The following PLCH2 variants were observed in gnomAD, a reference collection of about 807,000 sequenced individuals.
PLCH2 encodes phospholipase C eta 2.
PLCH2 carries 98 observed loss-of-function variants against 134.7 expected under a neutral mutation model. That is an observed-to-expected ratio of 0.73 (90% CI 0.62 to 0.86). PLCH2 has a LOEUF of 0.86. Among genes scored for constraint, PLCH2 ranks in the 40% least tolerant of loss-of-function variants. The probability of loss-of-function intolerance (pLI) is 0.00; values close to 1 mark genes in which losing one functional copy is unlikely to be tolerated. For missense variants in PLCH2, 1,994 were observed against 1,986.6 expected (o/e 1.00, Z -0.07); for synonymous variants, 974 against 827.5 (o/e 1.18, Z -3.04).
rs1641620332 is a variant in PLCH2 at position 2,476,428 on chromosome 1, T to C, written c.-161T>C. On this transcript the variant is annotated 5_prime_UTR_variant, in exon 1 of 22. Transcript: ENST00000378486. ...TGCCAGCCGGGCCTGGGCACAGCCC[T>C]GTGGGGGCTTCGGAGGGCCCTGAGG... is the stretch of plus-strand genomic sequence containing the variant. 3 of 679,294 alleles carry C rather than the reference T, an allele frequency of 4.4e-6. No individual in the cohort carries two copies. The highest frequency in any genetic ancestry group is 3.4e-5 in the Admixed American group (1 of 29,642). 42.1% of individuals were successfully genotyped at this position (679,294 alleles called of 1,614,324 possible).
chr1:2,446,470 C>T (rs1015101809), intron 2 of PLCH2, among the ~76,000 whole-genome samples: 1 of 152,192 alleles, frequency 6.6e-6, no homozygotes, highest in Non-Finnish European at 1.5e-5. Context: ...GCCTCAGGCC[C>T]CTCCCTCCCC....
Position 2,459,554 on chromosome 1 carries a change from T to C in PLCH2, c.116-18922T>C, listed in dbSNP as rs918609709. 9.5e-4 allele frequency among the ~76,000 whole-genome samples: 127 copies of C among 133,876 alleles called. 7 individuals are homozygous for C. Among genetic ancestry groups the C allele is most frequent in the South Asian group, 1.9e-3 (7 of 3,704 alleles). The allele number at this position is 133,876 out of a possible 152,430, so 87.8% of individuals were successfully genotyped here. A position where few individuals can be genotyped will look rare whatever the true frequency, so the allele number is the denominator to read the frequency against. On this transcript the variant is annotated intron_variant, in intron 2 of 3. Coordinates refer to the PLCH2 transcript ENST00000609981. ...CCTCCTTCCTGGTGGTCCTCCTTCC[T>C]GGTGGTCCTCCTTGCCGGTGGTCCT...
chr1:2,457,830 C>A (rs1640569560), intron 2 of PLCH2, among the ~76,000 whole-genome samples: 1 of 149,156 alleles, frequency 6.7e-6, no homozygotes, highest in South Asian at 2.1e-4. Context: ...CTTGGATGAT[C>A]TTTCCTCTTG....
intron 2 of PLCH2, among the ~76,000 whole-genome samples, chr1:2,433,011 C>A (rs1409310795): frequency 6.6e-6 from 1 of 152,224 alleles, no homozygotes; most frequent in African/African-American, 2.4e-5. Flanking sequence ...AAGTGCCCAC[C>A]CTTTGCCCCC....
chr1:2,416,451 A>G, the PLCH2 span, among the ~76,000 whole-genome samples: 2 of 152,230 alleles, frequency 1.3e-5, no homozygotes, highest in African/African-American at 2.4e-5. Context: ...GCCACAAACC[A>G]GGAGAACGGG....
chr1:2,486,980 A>G lies in PLCH2; in HGVS notation c.890A>G (p.Lys297Arg), dbSNP rs1337728760. ...GAGCCATGCCCAGAAAACAAGAGTA[A>G]GGGGCTGCTGGGCATTGATGGTGAG... The part of the protein sequence containing the change: ...QFEPCPENKS[K>R]GLLGIDGFTN... The change falls in exon 6 of 22, where the codon AAG becomes AGG. Residue 297 changes from lysine (K) to arginine (R), a missense_variant. By Grantham distance (26) the Lys-to-Arg change is conservative (BLOSUM62 2). Around this residue, in one of 2 missense-constraint regions of PLCH2, gnomAD observed 1,094 missense variants for 1,234.3 expected, o/e 0.89. Transcript: ENST00000378486. The G allele has an allele frequency of 1.9e-6, 3 of 1,603,324 alleles. No homozygotes were observed. The highest frequency in any genetic ancestry group is 1.7e-5 in the Admixed American group (1 of 58,640).
rs1487040639 is a variant in PLCH2 at position 2,478,614 on chromosome 1, A to T, written c.263A>T (p.Lys88Met). ...IRWRPSRKNE[K>M]AKISIDSIQE... is the part of the protein sequence containing the mutation. ...TGGAGGCCCTCACGCAAGAACGAGA[A>T]GGCCAAGAGTGAGTGGGAGCCCTGG... Residue 88 changes from lysine (K) to methionine (M), a missense_variant, in exon 2 of 22, where the codon AAG becomes ATG. Coordinates refer to ENST00000378486, the MANE Select transcript of PLCH2 (RefSeq NM_014638.4). The T allele has an allele frequency of 6.2e-7, 1 of 1,609,682 alleles. No homozygotes were observed. Among genetic ancestry groups the T allele is most frequent in the Non-Finnish European group, 8.5e-7 (1 of 1,178,550 alleles).
chr1:2,425,316 CAT>C (rs1456482673), upstream of PLCH2, among the ~76,000 whole-genome samples: 2 of 152,032 alleles, frequency 1.3e-5, no homozygotes, highest in Non-Finnish European at 2.9e-5. Context: ...TACATACACA[CAT>C]ATACACACAC....
chr1:2,435,983 C>A (rs1352287542), intron 2 of PLCH2, among the ~76,000 whole-genome samples: 1 of 131,270 alleles, frequency 7.6e-6, no homozygotes, highest in African/African-American at 2.8e-5. Flanking sequence ...TCCCTCCTCC[C>A]TTCTCCCCTC....
At chr1:2,443,478 G>A (rs1408556088) in intron 2 of PLCH2, among the ~76,000 whole-genome samples, 1 of 152,034 alleles carries the variant, frequency 6.6e-6, no homozygotes, top group East Asian at 1.9e-4. Flanking sequence ...GGTCCCGCCG[G>A]CTGGGGCCAC....
chr1:2,462,667 C>T (rs1404009087), upstream of PLCH2, among the ~76,000 whole-genome samples: 3 of 152,274 alleles, frequency 2.0e-5, no homozygotes, highest in East Asian at 1.9e-4. Flanking sequence ...GCCCCAGAAC[C>T]GAGCTCTGGG....
chr1:2,436,626 G>A (rs1350771044), intron 2 of PLCH2, among the ~76,000 whole-genome samples: 1 of 151,346 alleles, frequency 6.6e-6, no homozygotes, highest in Non-Finnish European at 1.5e-5. Context: ...GACTCCCCAG[G>A]GCTTAGCCGT....
At chr1:2,424,733 A>C (rs1055909540), upstream of PLCH2, among the ~76,000 whole-genome samples, 10 of 152,226 alleles carry the variant, frequency 6.6e-5, no homozygotes, top group Non-Finnish European at 1.0e-4. Context: ...CATGCCTGTA[A>C]TCCCAGCACT....
rs764808576 is a variant in PLCH2, at chr1:2,496,933, G to A, written c.2039G>A (p.Arg680His). The A allele has an allele frequency of 2.0e-5, 32 of 1,613,196 alleles. No individual in the cohort carries two copies. Among genetic ancestry groups the A allele is most frequent in the Middle Eastern group, 1.6e-4 (1 of 6,084 alleles). ...YLRFNQQQLS[R>H]IYPSSYRVDS... is the part of the protein sequence containing the mutation. Reference sequence around the variant, plus strand: ...CGCTTCAACCAGCAGCAGCTCTCCCGCATCTACCCCTCCTCCTACCGTGTG... The same window carrying A: ...CGCTTCAACCAGCAGCAGCTCTCCCACATCTACCCCTCCTCCTACCGTGTG... Residue 680 changes from arginine to histidine, a missense_variant, in exon 15 of 22, where the codon CGC (arginine) becomes CAC (histidine). Arg to His is a conservative substitution (Grantham distance 29). Around this residue, in one of 2 missense-constraint regions of PLCH2, gnomAD observed 1,094 missense variants for 1,234.3 expected, o/e 0.89. Coordinates refer to ENST00000378486, the MANE Select transcript of PLCH2 (RefSeq NM_014638.4).
chr1:2,424,964 C>T (rs1000537828), upstream of PLCH2, among the ~76,000 whole-genome samples: 8 of 151,874 alleles, frequency 5.3e-5, no homozygotes, highest in Non-Finnish European at 8.8e-5. Flanking sequence ...CCATCCTGGG[C>T]AACAGAGCAA....
rs1029568356 is a variant in PLCH2 at position 2,439,068 on chromosome 1, C to T, written c.115+8439C>T. 3.9e-5 allele frequency among the ~76,000 whole-genome samples: 6 copies of T among 152,336 alleles called. No individual in the cohort carries two copies. Among genetic ancestry groups the T allele is most frequent in the South Asian group, 4.1e-4 (2 of 4,828 alleles). On this transcript the variant is annotated intron_variant, in intron 2 of 3. Coordinates refer to the PLCH2 transcript ENST00000609981. The surrounding 1 kb of genome is among the most constrained non-coding windows in gnomAD (Gnocchi z 4.7). ...CTCCCAGGGTCCCTGTCTTGCTAGA[C>T]CTGGACGGAAATATCTCCCTTGCCA...
In PLCH2 at chr1:2,444,830, CGTT is replaced by C. The variant is rs1639867696; in HGVS notation, c.115+14203_115+14205del. On this transcript the variant is annotated intron_variant, in intron 2 of 3. Coordinates refer to the PLCH2 transcript ENST00000609981. The surrounding 1 kb of genome is among the most constrained non-coding windows in gnomAD (Gnocchi z 4.6). ...TCGGTGTCCCCTTCGTCCCCTGACACGTTGGTCTGGGGAGGCGGGGTCACGGTG... is the reference window on the plus strand; with the variant it reads ...TCGGTGTCCCCTTCGTCCCCTGACACGGTCTGGGGAGGCGGGGTCACGGTG... Among the ~76,000 whole-genome samples, 1 of 152,014 alleles carries C rather than the reference CGTT, an allele frequency of 6.6e-6. No individual in the cohort carries two copies. The highest frequency in any genetic ancestry group is 2.4e-5 in the African/African-American group (1 of 41,368).
chr1:2,418,513 G>T, the PLCH2 span, among the ~76,000 whole-genome samples: 7 of 152,236 alleles, frequency 4.6e-5, no homozygotes, highest in African/African-American at 1.7e-4. Context: ...TGCCTCCCTC[G>T]GACGGCTGAA....
At position 2,489,896 on chromosome 1, in the gene PLCH2, G is replaced by A. The variant is rs551161028; in HGVS notation, c.1515+29G>A. The A allele has an allele frequency of 5.5e-5, 81 of 1,474,672 alleles. 1 individual carries two copies. Among genetic ancestry groups the A allele is most frequent in the South Asian group, 2.7e-4 (24 of 88,244 alleles). The allele number at this position is 1,474,672 out of a possible 1,614,324, so 91.3% of individuals were successfully genotyped here. ...AGTCGGGCTGGAGGTGGAGGGGGGC[G>A]CGTGGAGCCTGCAGTTCCCAAGAAC... On this transcript the variant is annotated intron_variant, in intron 10 of 21. Coordinates refer to ENST00000378486, the MANE Select transcript of PLCH2 (RefSeq NM_014638.4).
Sources: allele counts gnomAD v4.1 joint callset (sites outside exome capture counted in the v4.1 genomes callset), GRCh38; gene constraint gnomAD v4.1.1; regional missense constraint gnomAD v4.1.1; non-coding constraint Gnocchi (gnomAD v3.1); transcripts MANE v1.5; gene names NCBI Gene and HGNC (gene_info 2026-07-23, HGNC 2026-07-21).